CNTN4: variants seen among roughly 807,000 people sequenced by gnomAD.
CNTN4 encodes the protein contactin-4.
Under a neutral mutation model 122.5 loss-of-function variants are expected in CNTN4, and 77 were observed. The observed-to-expected ratio is 0.63, with a 90% confidence interval of 0.52 to 0.76. The LOEUF is 0.76. Ranked by LOEUF, CNTN4 falls within the 30% of genes least tolerant of loss-of-function variation. The pLI, the probability that CNTN4 is intolerant of heterozygous loss-of-function variation, is 0.00. For synonymous variants in CNTN4, 512 were observed against 447.0 expected (o/e 1.15, Z -1.83); for missense variants, 1,256 against 1,259.1 (o/e 1.00, Z 0.04).
chr3:2,882,418 G>A (rs544375151), intron 8 of CNTN4, among the ~76,000 whole-genome samples: 4 of 151,944 alleles, frequency 2.6e-5, no homozygotes, highest in South Asian at 2.1e-4. Context: ...GTATTTAATT[G>A]CAAAGCATGG....
At position 3,034,705 on chromosome 3, in the gene CNTN4, C is replaced by T. The variant is rs139068935; in HGVS notation, c.1857C>T (p.Pro619=). The T allele has an allele frequency of 1.0e-4, 167 of 1,614,042 alleles. No homozygotes were observed. The African/African-American group carries it at 1.8e-3, about 18-fold the overall frequency. ...TDTTAQLSWR[P]GPDNHSPITM... ...CCACTGCTCAGCTCTCCTGGAGACC[C>T]GGGCCTGACAACCACAGCCCCATCA... Residue 619 remains proline, a synonymous_variant, in exon 17 of 25, where the codon CCC becomes CCT. Coordinates refer to ENST00000418658, the MANE Select transcript of CNTN4 (RefSeq NM_175607.3).
chr3:2,591,352 C>CTTTTTTTTTTT (rs71058629), intron 4 of CNTN4, among the ~76,000 whole-genome samples: 1 of 36,394 alleles, frequency 2.7e-5, no homozygotes, highest in African/African-American at 9.7e-5. Context: ...AGATTTGTGA[C>CTTTTTTTTTTT]TTTTTTTTTT....
intron 2 of CNTN4, among the ~76,000 whole-genome samples, chr3:2,277,738 G>C (rs2041570050): frequency 1.3e-5 from 2 of 151,992 alleles, no homozygotes; most frequent in Non-Finnish European, 2.9e-5. Flanking sequence ...TTGTCACTTG[G>C]AAAATATTGA....
intron 7 of CNTN4, among the ~76,000 whole-genome samples, chr3:2,821,372 G>T (rs1422986300): frequency 6.6e-6 from 1 of 152,198 alleles, no homozygotes; most frequent in Non-Finnish European, 1.5e-5. Flanking sequence ...ATGTGGTATG[G>T]ATGAGGCATG....
intron 3 of CNTN4, among the ~76,000 whole-genome samples, chr3:2,545,954 A>G (rs958873393): frequency 1.3e-5 from 2 of 152,132 alleles, no homozygotes; most frequent in African/African-American, 4.8e-5. Context: ...TGCAAATCAA[A>G]ACCACAATGA....
intron 3 of CNTN4, among the ~76,000 whole-genome samples, chr3:2,394,565 A>G (rs986357470): frequency 1.3e-5 from 2 of 152,194 alleles, no homozygotes; most frequent in Non-Finnish European, 2.9e-5. Context: ...AAAGAGGCTG[A>G]CAGTAACAAA....
intron 12 of CNTN4, among the ~76,000 whole-genome samples, chr3:2,911,122 A>G (rs57910142): frequency 0.47 from 64,127 of 137,330 alleles, 13,974 homozygotes; most frequent in East Asian, 0.65. Context: ...AGTACTACCT[A>G]AGGGAGTGGT....
At chr3:2,209,678 T>A (rs1306832636) in intron 2 of CNTN4, among the ~76,000 whole-genome samples, 1 of 152,124 alleles carries the variant, frequency 6.6e-6, no homozygotes, top group Non-Finnish European at 1.5e-5. Context: ...ACTTTATGTT[T>A]TATTCAGGGT....
chr3:2,554,430 T>C lies in CNTN4; in HGVS notation c.-88-16986T>C, dbSNP rs145290636. ...GCTCAGTGATACTTTCTCCAGTTTG[T>C]GGGTCATTTCATCCTGCATTTGTAC... On this transcript the variant is annotated intron_variant, in intron 3 of 24. Transcript: ENST00000418658. 6.1e-3 allele frequency among the ~76,000 whole-genome samples: 929 copies of C among 152,212 alleles called. 6 individuals carry two copies. Among genetic ancestry groups the C allele is most frequent in the Middle Eastern group, 0.051 (15 of 294 alleles).
chr3:2,111,447 G>A (rs899477597), intron 2 of CNTN4, among the ~76,000 whole-genome samples: 11 of 152,026 alleles, frequency 7.2e-5, no homozygotes, highest in Non-Finnish European at 1.2e-4. Context: ...ACATATTAAG[G>A]TAAACTCTTA....
At chr3:2,901,642 C>G (rs940003948) in intron 11 of CNTN4, among the ~76,000 whole-genome samples, 2 of 152,182 alleles carry the variant, frequency 1.3e-5, no homozygotes, top group Non-Finnish European at 2.9e-5. Context: ...GGGAGTTGGT[C>G]TAGGTCCTGT....
chr3:2,282,547 A>T (rs968725720), intron 2 of CNTN4, among the ~76,000 whole-genome samples: 12 of 152,108 alleles, frequency 7.9e-5, no homozygotes, highest in African/African-American at 2.9e-4. Flanking sequence ...ATAATGACTG[A>T]CCCAAGGTGT....
At chr3:2,756,398 C>CA (rs2090341213) in intron 6 of CNTN4, among the ~76,000 whole-genome samples, 1 of 152,170 alleles carries the variant, frequency 6.6e-6, no homozygotes. Flanking sequence ...AGGTGGCAGT[C>CA]AGTGAAACAG....
In CNTN4 at chr3:2,212,792, G is replaced by T. The variant is rs572520687; in HGVS notation, c.-145+112153G>T. Reference sequence around the variant, plus strand: ...GCAGTGACATATCCCTGCTCTTAGAGATTCTGATTTAATTTATCTGAGATG... The same window carrying T: ...GCAGTGACATATCCCTGCTCTTAGATATTCTGATTTAATTTATCTGAGATG... On this transcript the variant is annotated intron_variant, in intron 2 of 24. Coordinates refer to ENST00000418658, the MANE Select transcript of CNTN4 (RefSeq NM_175607.3). 8.5e-5 allele frequency among the ~76,000 whole-genome samples: 13 copies of T among 152,296 alleles called. 1 individual carries two copies. Among genetic ancestry groups the T allele is most frequent in the African/African-American group, 2.9e-4 (12 of 41,572 alleles).
At chr3:2,274,586 C>T (rs982643007) in intron 2 of CNTN4, among the ~76,000 whole-genome samples, 3 of 151,946 alleles carry the variant, frequency 2.0e-5, no homozygotes, top group Non-Finnish European at 2.9e-5. Flanking sequence ...ACCAATGAAT[C>T]ACCATATTTC....
chr3:2,989,532 T>C (rs1694872352), intron 14 of CNTN4, among the ~76,000 whole-genome samples: 1 of 152,220 alleles, frequency 6.6e-6, no homozygotes, highest in South Asian at 2.1e-4. Context: ...TAATTAAATA[T>C]TTTAGGGTCA....
intron 6 of CNTN4, among the ~76,000 whole-genome samples, chr3:2,763,711 T>C (rs576485000): frequency 6.6e-6 from 1 of 152,216 alleles, no homozygotes; most frequent in South Asian, 2.1e-4. Context: ...GCTAGCCAGT[T>C]ATCCCGGCAC....
At chr3:2,558,613 A>C (rs193077256) in intron 3 of CNTN4, among the ~76,000 whole-genome samples, 237 of 152,262 alleles carry the variant, frequency 1.6e-3, no homozygotes, top group African/African-American at 5.5e-3. Context: ...CTATTTGGTT[A>C]ATATGGAGTC....
rs552262525 is a variant in CNTN4, at chr3:2,545,647, CT to C, written c.-88-25768del. On this transcript the variant is annotated intron_variant, in intron 3 of 24. Transcript: ENST00000418658. ...TTTTTTTTTATCCTTTTCATCTTTG[CT>C]GGTATAAAGTCTGTTTTGTCTGAAA... Among the ~76,000 whole-genome samples the C allele has an allele frequency of 2.0e-3, 292 of 149,190 alleles. 1 individual carries two copies. Among genetic ancestry groups the C allele is most frequent in the African/African-American group, 6.7e-3 (272 of 40,476 alleles).
Sources: gnomAD v4.1 joint callset for allele counts (sites outside exome capture counted in the v4.1 genomes callset) on GRCh38, gnomAD v4.1.1 for gene constraint, MANE v1.5 for transcripts, NCBI Gene and HGNC (gene_info 2026-07-23, HGNC 2026-07-21) for gene names.